The following RBM33 variants were observed in gnomAD, a reference collection of about 807,000 sequenced individuals.
The protein encoded by RBM33 is RNA-binding protein 33.
RBM33 carries 28 observed loss-of-function variants against 132.6 expected under a neutral mutation model. The ratio of observed to expected loss-of-function variants is 0.21; its 90% CI spans 0.16 to 0.29. The LOEUF is 0.29. Among genes scored for constraint, RBM33 ranks in the 10% least tolerant of loss-of-function variants. The pLI is 1.00. For synonymous variants in RBM33, 634 were observed against 593.0 expected (o/e 1.07, Z -1.01); for missense variants, 1,291 against 1,518.5 (o/e 0.85, Z 2.49).
At chr7:155,649,125 T>C (rs1798286453) in intron 1 of RBM33, among the ~76,000 whole-genome samples, 1 of 152,206 alleles carries the variant, frequency 6.6e-6, no homozygotes, top group Non-Finnish European at 1.5e-5. Context: ...ACTCCCATAA[T>C]GCATAGATTG....
At chr7:155,759,656 T>A (rs1031695440) in intron 14 of RBM33, among the ~76,000 whole-genome samples, 1 of 152,188 alleles carries the variant, frequency 6.6e-6, no homozygotes, top group South Asian at 2.1e-4. Context: ...CCTGACCTCG[T>A]GATCCACCCG....
At chr7:155,760,588 A>G (rs1802002099) in intron 14 of RBM33, among the ~76,000 whole-genome samples, 3 of 152,238 alleles carry the variant, frequency 2.0e-5, no homozygotes, top group African/African-American at 4.8e-5. Flanking sequence ...CTAAGATTGT[A>G]CTGTCAGGCA....
chr7:155,716,687 T>G (rs989189373), intron 8 of RBM33, among the ~76,000 whole-genome samples: 4 of 152,148 alleles, frequency 2.6e-5, no homozygotes, highest in Non-Finnish European at 4.4e-5. Flanking sequence ...TATTCTTGTT[T>G]TTTTCTTTCT....
At chr7:155,670,127 T>A (rs1027435817) in intron 2 of RBM33, among the ~76,000 whole-genome samples, 2 of 152,254 alleles carry the variant, frequency 1.3e-5, no homozygotes, top group Non-Finnish European at 2.9e-5. Flanking sequence ...GGATAACTTC[T>A]GTTTCTAAGT....
At chr7:155,698,234 G>GT (rs1799854519) in intron 5 of RBM33, among the ~76,000 whole-genome samples, 1 of 152,140 alleles carries the variant, frequency 6.6e-6, no homozygotes, top group African/African-American at 2.4e-5. Context: ...TGGCGTGGTG[G>GT]TGGACGCCTG....
At chr7:155,672,765 A>AAT in intron 2 of RBM33, 102 bp from the exon 3 acceptor site, 1 of 491,108 alleles carries the variant, frequency 2.0e-6, no homozygotes, top group Non-Finnish European at 3.4e-6. Flanking sequence ...AAAAAAAAAA[A>AAT]GGTACCTGAG....
chr7:155,775,033 G>A lies in RBM33; in HGVS notation c.3505G>A (p.Val1169Met), dbSNP rs1376111355. Residue 1169 changes from valine to methionine, a missense_variant, in exon 18 of 18, where the codon GTG (valine) becomes ATG (methionine). By Grantham distance (21) the Val-to-Met change is conservative. This residue lies in a region of RBM33 where 55 missense variants were observed against 101.4 expected (regional missense o/e 0.54). Coordinates refer to ENST00000401878, the MANE Select transcript of RBM33 (RefSeq NM_053043.3). ...DLSHINVALIVE is the reference protein window; with the variant it reads ...DLSHINVALIME ...GTCCCACATAAATGTGGCCCTGATCGTGGAGTGAGTCCTAACAAGAGAGCC... is the reference window on the plus strand; with the variant it reads ...GTCCCACATAAATGTGGCCCTGATCATGGAGTGAGTCCTAACAAGAGAGCC... 11 of 1,613,256 alleles carry A rather than the reference G, an allele frequency of 6.8e-6. No individual in the cohort carries two copies. Among genetic ancestry groups the A allele is most frequent in the Admixed American group, 1.7e-5 (1 of 60,002 alleles).
chr7:155,677,932 T>C (rs1799229174), intron 3 of RBM33, among the ~76,000 whole-genome samples: 1 of 152,136 alleles, frequency 6.6e-6, no homozygotes. Context: ...ACGTGTGAAG[T>C]AGTGTGAATA....
intron 5 of RBM33, 97 bp downstream of exon 5, chr7:155,681,005 A>G: frequency 1.1e-6 from 1 of 945,096 alleles, no homozygotes; most frequent in Non-Finnish European, 1.6e-6. Flanking sequence ...CCTGGGAGGG[A>G]GGGGAAATTA....
chr7:155,675,293 CAAAAAAAAAAAA>C (rs71881256), intron 3 of RBM33, among the ~76,000 whole-genome samples: 40 of 128,812 alleles, frequency 3.1e-4, no homozygotes, highest in Admixed American at 3.3e-4. Context: ...GACTCCGTCT[CAAAAAAAAAAAA>C]AAAAAAAAAA....
At chr7:155,772,608 A>C (rs1031921970) in intron 16 of RBM33, among the ~76,000 whole-genome samples, 1 of 152,226 alleles carries the variant, frequency 6.6e-6, no homozygotes, top group African/African-American at 2.4e-5. Flanking sequence ...TAACTTAATG[A>C]CAAGTGAAAC....
rs765658997 is a variant in RBM33, at chr7:155,711,223, G to A, written c.969G>A (p.Pro323=). ...PPVVPQAPPP[P]PPPPQQQPIR... ...CACAGCCCCAGGCTCCCCCTCCACC[G>A]CCACCGCCGCCTCAGCAGCAGCCGA... Residue 323 remains proline, a synonymous_variant, in exon 8 of 18, where the codon CCG becomes CCA. Transcript: ENST00000401878. 7 of 1,570,440 alleles carry A rather than the reference G, an allele frequency of 4.5e-6. No individual in the cohort carries two copies. The highest frequency in any genetic ancestry group is 6.0e-6 in the Non-Finnish European group (7 of 1,158,600).
intron 3 of RBM33, among the ~76,000 whole-genome samples, chr7:155,676,921 C>A (rs1799200120): frequency 6.6e-6 from 1 of 152,222 alleles, no homozygotes; most frequent in Non-Finnish European, 1.5e-5. Context: ...AGTACACATT[C>A]CCTTTCTATT....
chr7:155,649,654 T>A (rs541028652), intron 1 of RBM33, among the ~76,000 whole-genome samples: 1 of 152,312 alleles, frequency 6.6e-6, no homozygotes, highest in East Asian at 1.9e-4. Context: ...GGCCTTCAGT[T>A]GTCTGGTTTT....
At chr7:155,770,334 C>A (rs1388317596) in intron 16 of RBM33, among the ~76,000 whole-genome samples, 1 of 152,204 alleles carries the variant, frequency 6.6e-6, no homozygotes, top group East Asian at 1.9e-4. Flanking sequence ...CTATTTCCAA[C>A]AGGAGGTTGG....
intron 9 of RBM33, among the ~76,000 whole-genome samples, chr7:155,730,209 T>C (rs1184674085): frequency 6.6e-6 from 1 of 152,168 alleles, no homozygotes; most frequent in Non-Finnish European, 1.5e-5. Flanking sequence ...GAAGTGGAAG[T>C]GGATTGGAGA....
chr7:155,647,796 A>G (rs921134669), intron 1 of RBM33, among the ~76,000 whole-genome samples: 7 of 152,252 alleles, frequency 4.6e-5, no homozygotes, highest in African/African-American at 1.7e-4. Flanking sequence ...TATCCTTACT[A>G]ATAGCAGAGA....
intron 9 of RBM33, 51 bp downstream of exon 9, chr7:155,718,494 T>C: frequency 6.9e-7 from 1 of 1,444,734 alleles, no homozygotes; most frequent in Admixed American, 1.7e-5. Flanking sequence ...ATACATTTAC[T>C]AAGAAATATT....
rs957246458 is a variant in RBM33 at position 155,739,911 on chromosome 7, C to T, written c.1934C>T (p.Pro645Leu). 3.2e-6 allele frequency: 5 copies of T among 1,550,584 alleles called. No homozygotes were observed. The South Asian group carries it at 3.6e-5, about 11-fold the overall frequency. ...HHHHHHHLSV[P>L]PPPLMPMSQP... ...CACCACCACCACCACCTGTCCGTCCCGCCCCCTCCTTTGATGCCGATGTCT... is the reference window on the plus strand; with the variant it reads ...CACCACCACCACCACCTGTCCGTCCTGCCCCCTCCTTTGATGCCGATGTCT... Residue 645 changes from proline (P) to leucine (L), a missense_variant, in exon 12 of 18, where the codon CCG (proline) becomes CTG (leucine). This residue lies in a region of RBM33 where 841 missense variants were observed against 912.0 expected (regional missense o/e 0.92). Transcript: ENST00000401878.
Sources: allele counts gnomAD v4.1 joint callset (sites outside exome capture counted in the v4.1 genomes callset), GRCh38; gene constraint gnomAD v4.1.1; regional missense constraint gnomAD v4.1.1; transcripts MANE v1.5; gene names NCBI Gene and HGNC (gene_info 2026-07-23, HGNC 2026-07-21).